The following RBM6 variants were observed in gnomAD, a reference collection of about 807,000 sequenced individuals.
RBM6 encodes RNA-binding protein 6.
Under a neutral mutation model 140.4 loss-of-function variants are expected in RBM6, and 23 were observed. The ratio of observed to expected loss-of-function variants is 0.16; its 90% CI spans 0.12 to 0.23. The LOEUF is 0.23. RBM6 is among the 10% of genes least tolerant of loss of function. The pLI is 1.00. For synonymous variants in RBM6, 439 were observed against 475.6 expected, an observed-to-expected ratio of 0.92 and a Z score of 1.00; for missense variants, 1,139 against 1,386.7, an observed-to-expected ratio of 0.82 and a Z score of 2.84.
intron 3 of RBM6, among the ~76,000 whole-genome samples, chr3:49,968,981 T>TC (rs948852425): frequency 1.3e-5 from 2 of 150,766 alleles, no homozygotes; most frequent in Non-Finnish European, 3.0e-5. Context: ...TTTTTTTTTT[T>TC]TTCTTTAAAT....
intron 8 of RBM6, among the ~76,000 whole-genome samples, chr3:50,054,757 G>A (rs577136870): frequency 3.9e-5 from 6 of 152,118 alleles, no homozygotes; most frequent in South Asian, 2.1e-4. Flanking sequence ...CTTGTGACCC[G>A]ACCCACCTTG....
chr3:50,047,808 C>A (rs1171472265), intron 6 of RBM6, among the ~76,000 whole-genome samples: 1 of 152,178 alleles, frequency 6.6e-6, no homozygotes, highest in Non-Finnish European at 1.5e-5. Context: ...CCCTTACTAC[C>A]TTTCCAAGGA....
chr3:50,045,273 T>C (rs892549760), intron 6 of RBM6, among the ~76,000 whole-genome samples: 1 of 152,152 alleles, frequency 6.6e-6, no homozygotes, highest in African/African-American at 2.4e-5. Context: ...GTGACTGAAA[T>C]TGACAGTAGT....
intron 5 of RBM6, among the ~76,000 whole-genome samples, chr3:49,991,942 AT>A (rs1166718970): frequency 3.3e-5 from 5 of 149,646 alleles, no homozygotes; most frequent in East Asian, 1.9e-4. Flanking sequence ...ATTTTATTTT[AT>A]TTTATTTATT....
intron 6 of RBM6, among the ~76,000 whole-genome samples, chr3:50,044,654 C>T (rs2089131407): frequency 6.6e-6 from 1 of 152,038 alleles, no homozygotes; most frequent in Admixed American, 6.6e-5. Context: ...ATCTAACTCC[C>T]TACAGGATAC....
rs1201400447 is a variant in RBM6, at chr3:49,993,160, A to G, written c.1484-6280A>G. On this transcript the variant is annotated intron_variant, in intron 5 of 20. Transcript: ENST00000266022. ...GTGCTCATATGACACCATTACTGCC[A>G]GTGGAATTGAAATAAATTGAGTAAG... Among the ~76,000 whole-genome samples the G allele has an allele frequency of 2.6e-5, 4 of 152,212 alleles. No homozygotes were observed. The East Asian group carries it at 7.7e-4, about 29-fold the overall frequency.
intron 5 of RBM6, among the ~76,000 whole-genome samples, chr3:49,987,567 T>C (rs2085620577): frequency 6.6e-6 from 1 of 152,054 alleles, no homozygotes. Context: ...TCCGCCCACC[T>C]CGACCTCCCA....
intron 6 of RBM6, among the ~76,000 whole-genome samples, chr3:50,007,189 GTTTT>G (rs752697456): frequency 7.6e-6 from 1 of 131,778 alleles, no homozygotes; most frequent in African/African-American, 2.8e-5. Flanking sequence ...CCTAGTTGGA[GTTTT>G]TTTTTTTTTT....
intron 3 of RBM6, among the ~76,000 whole-genome samples, chr3:49,969,942 T>G (rs1475838627): frequency 1.3e-5 from 2 of 150,832 alleles, no homozygotes; most frequent in African/African-American, 4.9e-5. Context: ...TTAGTTGTGT[T>G]TTTTTTTTTC....
intron 1 of RBM6, among the ~76,000 whole-genome samples, chr3:49,945,001 C>T (rs1012307802): frequency 4.0e-5 from 6 of 151,232 alleles, no homozygotes; most frequent in Admixed American, 2.6e-4. Flanking sequence ...CTCAGCCTCC[C>T]GAGTAGCTGG....
chr3:50,059,427 G>A, intron 10 of RBM6: 1 of 360,666 alleles, frequency 2.8e-6, no homozygotes, highest in Non-Finnish European at 5.0e-6. Context: ...GTTTATGCCA[G>A]AACTGACATC....
At chr3:50,012,738 CT>C (rs1354297345) in intron 6 of RBM6, among the ~76,000 whole-genome samples, 12,484 of 120,818 alleles carry the variant, frequency 0.1, 660 homozygotes, top group African/African-American at 0.24. Flanking sequence ...TAGATTCTAC[CT>C]TTTTTTTTTT....
chr3:49,958,238 A>T (rs1376707339), intron 1 of RBM6, among the ~76,000 whole-genome samples: 1 of 149,706 alleles, frequency 6.7e-6, no homozygotes, highest in African/African-American at 2.5e-5. Context: ...ATCCTGGTTA[A>T]CACAGTGAAA....
chr3:50,015,607 T>C (rs2087099362), intron 6 of RBM6, among the ~76,000 whole-genome samples: 1 of 151,380 alleles, frequency 6.6e-6, no homozygotes, highest in Non-Finnish European at 1.5e-5. Context: ...ATTTTTTGAA[T>C]TTTTTTAGTA....
intron 6 of RBM6, among the ~76,000 whole-genome samples, chr3:50,041,642 A>G (rs1233612656): frequency 6.6e-6 from 1 of 152,188 alleles, no homozygotes; most frequent in African/African-American, 2.4e-5. Context: ...TCCGTTTGAC[A>G]TGGTTCTTGA....
intron 7 of RBM6, among the ~76,000 whole-genome samples, chr3:50,048,880 A>G (rs1575807432): frequency 6.6e-6 from 1 of 152,056 alleles, no homozygotes; most frequent in South Asian, 2.1e-4. Context: ...TCCACTCACT[A>G]CAACCTCTGG....
intron 1 of RBM6, among the ~76,000 whole-genome samples, chr3:49,947,657 A>G (rs1005215311): frequency 1.3e-5 from 2 of 152,016 alleles, no homozygotes; most frequent in East Asian, 3.9e-4. Flanking sequence ...AATATTACCA[A>G]TCGAAAGTCA....
chr3:49,999,659 A>C, intron 6 of RBM6, 146 bp downstream of exon 6: 1 of 708,314 alleles, frequency 1.4e-6, no homozygotes, highest in South Asian at 1.9e-5. Context: ...TTGTGAGGAA[A>C]ATCTTTAAAA....
At chr3:49,975,625 A>G (rs1012852324) in intron 5 of RBM6, among the ~76,000 whole-genome samples, 1 of 152,226 alleles carries the variant, frequency 6.6e-6, no homozygotes, top group African/African-American at 2.4e-5. Flanking sequence ...TGCCTGTGAT[A>G]TATAGAGTGT....
Sources: allele counts gnomAD v4.1 joint callset (sites outside exome capture counted in the v4.1 genomes callset), GRCh38; gene constraint gnomAD v4.1.1; transcripts MANE v1.5; gene names NCBI Gene and HGNC (gene_info 2026-07-23, HGNC 2026-07-21).